Variants in PRRT3 observed in about 807,000 individuals in gnomAD.
PRRT3 encodes the protein proline rich transmembrane protein 3.
PRRT3 carries 48 observed loss-of-function variants against 56.6 expected under a neutral mutation model. The observed-to-expected ratio is 0.85, with a 90% CI of 0.67 to 1.08. The LOEUF is 1.08. Ranked by LOEUF, PRRT3 falls within the 50% of genes least tolerant of loss-of-function variation. The pLI is 0.00. For missense variants in PRRT3, 1,370 were observed against 1,353.1 expected, an observed-to-expected ratio of 1.01 and a Z score of -0.20; for synonymous variants, 641 against 619.1, an observed-to-expected ratio of 1.04 and a Z score of -0.52.
rs766674374 is a variant in PRRT3, at chr3:9,946,709, G to A, written c.2464C>T (p.Arg822Cys). 6 of 1,476,700 alleles carry A rather than the reference G, an allele frequency of 4.1e-6. No individual in the cohort carries two copies. The highest frequency in any genetic ancestry group is 2.8e-5 in the South Asian group (2 of 72,542). The allele number at this position is 1,476,700 out of a possible 1,614,324, so 91.5% of individuals were successfully genotyped here. The change falls in exon 4 of 4, where the codon CGC becomes TGC. Residue 822 changes from arginine (R) to cysteine (C), a missense_variant. Coordinates refer to ENST00000412055, the MANE Select transcript of PRRT3 (RefSeq NM_207351.5). This position sits in a 1 kb window ranked among gnomAD's most constrained non-coding sequence, Gnocchi z 4.1. ...ACACTGTCTCGCACTAGGTGCTCGCGGAAGAGCGCGGCGTCGATGCTGCGG... is the reference window on the plus strand; with the variant it reads ...ACACTGTCTCGCACTAGGTGCTCGCAGAAGAGCGCGGCGTCGATGCTGCGG... Reference protein sequence around the residue: ...LSRSIDAALFREHLVRDSVFQ... With the variant: ...LSRSIDAALFCEHLVRDSVFQ...
At position 9,949,647 on chromosome 3, in the gene PRRT3, TGG is replaced by T; in HGVS notation, c.467_468del (p.Pro156HisfsTer19). 6.2e-7 allele frequency: 1 copy of T among 1,614,010 alleles called. No homozygotes were observed. The highest frequency in any genetic ancestry group is 8.5e-7 in the Non-Finnish European group (1 of 1,180,002). The part of the protein sequence containing the change: ...PVGHPHLTFI[P>X]TTPRRQLRVA... ...ACCCTGAGTTGACGTCTGGGAGTTG[TGG>T]GGATGAAAGTGAGATGAGGGTGGCC... On this transcript the variant is annotated frameshift_variant, in exon 2 of 4. Coordinates refer to ENST00000412055, the MANE Select transcript of PRRT3 (RefSeq NM_207351.5). LOFTEE classifies it high-confidence loss of function. The surrounding 1 kb of genome is among the most constrained non-coding windows in gnomAD (Gnocchi z 4.5).
At position 9,946,728 on chromosome 3, in the gene PRRT3, G is replaced by A. The variant is rs1400787743; in HGVS notation, c.2445C>T (p.Ser815=). 1 of 1,500,986 alleles carries A rather than the reference G, an allele frequency of 6.7e-7. No individual in the cohort carries two copies. Among genetic ancestry groups the A allele is most frequent in the Non-Finnish European group, 8.8e-7 (1 of 1,134,610 alleles). The allele number at this position is 1,500,986 out of a possible 1,614,324, so 93.0% of individuals were successfully genotyped here. A position where few individuals can be genotyped will look rare whatever the true frequency, so the allele number is the denominator to read the frequency against. ...RPPSPINLSR[S]IDAALFREHL... ...GCTCGCGGAAGAGCGCGGCGTCGAT[G>A]CTGCGGCTCAGGTTGATGGGCGATG... is the stretch of plus-strand genomic sequence containing the variant. The change falls in exon 4 of 4, where the codon AGC becomes AGT. Residue 815 remains serine (S), a synonymous_variant. Coordinates refer to ENST00000412055, the MANE Select transcript of PRRT3 (RefSeq NM_207351.5). This position sits in a 1 kb window ranked among gnomAD's most constrained non-coding sequence, Gnocchi z 4.1.
rs1398454039 is a variant in PRRT3, at chr3:9,946,792, C to T, written c.2381G>A (p.Gly794Glu). Residue 794 changes from glycine to glutamate, a missense_variant, in exon 4 of 4, where the codon GGA becomes GAA. Gly to Glu is a moderately conservative substitution (Grantham distance 98). Transcript: ENST00000412055. This position sits in a 1 kb window ranked among gnomAD's most constrained non-coding sequence, Gnocchi z 4.1. ...GGPGLSRNGV[G>E]PAPSLSELDL... Reference sequence around the variant, plus strand: ...CAGCTCGCTCAGCGATGGCGCCGGTCCCACACCGTTGCGGGACAGTCCCGG... The same window carrying T: ...CAGCTCGCTCAGCGATGGCGCCGGTTCCACACCGTTGCGGGACAGTCCCGG... The T allele has an allele frequency of 1.4e-5, 21 of 1,554,148 alleles. No homozygotes were observed. Among genetic ancestry groups the T allele is most frequent in the Non-Finnish European group, 1.7e-5 (20 of 1,158,022 alleles).
Position 9,947,760 on chromosome 3 carries a change from C to T in PRRT3, c.1413G>A (p.Trp471Ter). The T allele has an allele frequency of 6.6e-7, 1 of 1,506,524 alleles. No individual in the cohort carries two copies. Among genetic ancestry groups the T allele is most frequent in the Non-Finnish European group, 8.8e-7 (1 of 1,131,780 alleles). 93.3% of individuals were successfully genotyped at this position (1,506,524 alleles called of 1,614,324 possible). Reference protein sequence around the residue: ...GPLRRVLSFSWELHVYGVGVL... With the variant: ...GPLRRVLSFS ...CCCCCACCCCGTAGACGTGCAGCTC[C>T]CAGGAGAAGCTCAGGACCCGCCGAA... Residue 471 changes from tryptophan to a stop codon, truncating the protein, a stop_gained, in exon 4 of 4, where the codon TGG (tryptophan) becomes TGA (stop). Coordinates refer to ENST00000412055, the MANE Select transcript of PRRT3 (RefSeq NM_207351.5). LOFTEE classifies it high-confidence loss of function. This position sits in a 1 kb window ranked among gnomAD's most constrained non-coding sequence, Gnocchi z 9.2.
At chr3:9,951,245 C>T (rs541430990) in intron 1 of PRRT3, among the ~76,000 whole-genome samples, 1 of 152,154 alleles carries the variant, frequency 6.6e-6, no homozygotes, top group Non-Finnish European at 1.5e-5. Context: ...GGAAGGGGCC[C>T]CACCACCAGG....
chr3:9,950,659 C>A (rs147360654), intron 1 of PRRT3, among the ~76,000 whole-genome samples: 1,986 of 151,496 alleles, frequency 0.013, 31 homozygotes, highest in Middle Eastern at 0.051. Flanking sequence ...TGTGCCACCA[C>A]ACCTGGCTAA....
rs768840303 is a variant in PRRT3 at position 9,947,394 on chromosome 3, T to C, written c.1779A>G (p.Thr593=). ...VGLLATDLLS[T]WSVLNLLTQG... ...GCGTCAGGAGGTTGAGCACAGACCA[T>C]GTGGACAGCAGGTCTGTCGCGAGCA... The change falls in exon 4 of 4, where the codon ACA becomes ACG. Residue 593 remains threonine (T), a synonymous_variant. Transcript: ENST00000412055. This position sits in a 1 kb window ranked among gnomAD's most constrained non-coding sequence, Gnocchi z 9.2. The C allele has an allele frequency of 6.2e-7, 1 of 1,612,238 alleles. No homozygotes were observed. Among genetic ancestry groups the C allele is most frequent in the Non-Finnish European group, 8.5e-7 (1 of 1,179,562 alleles).
chr3:9,951,044 G>GTTACCTGTGTA (rs2085613261), intron 1 of PRRT3, among the ~76,000 whole-genome samples: 1 of 152,196 alleles, frequency 6.6e-6, no homozygotes, highest in Admixed American at 6.5e-5. Context: ...CCTGATGCTT[G>GTTACCTGTGTA]ACAAGCGTTA....
At chr3:9,948,672 A>C (rs969690974) in intron 3 of PRRT3, 86 bp downstream of exon 3, 1 of 1,498,088 alleles carries the variant, frequency 6.7e-7, no homozygotes, top group Non-Finnish European at 9.2e-7. Flanking sequence ...TTCATTCCCC[A>C]CCCTCCGCCC....
In PRRT3 at chr3:9,946,387, A is replaced by C. The variant is rs2124874572; in HGVS notation, c.2786T>G (p.Leu929Arg). The change falls in exon 4 of 4, where the codon CTG becomes CGG. Residue 929 changes from leucine to arginine, a missense_variant. By Grantham distance (102) the Leu-to-Arg change is moderately radical. Transcript: ENST00000412055. This position sits in a 1 kb window ranked among gnomAD's most constrained non-coding sequence, Gnocchi z 4.1. ...CGTGCTGGGCAACTCATCTAGGGGC[A>C]GACTGTCCACTGATGACAGCCCGTG... ...WRHGLSSVDS[L>R]PLDELPSTVQ... 2 of 1,608,446 alleles carry C rather than the reference A, an allele frequency of 1.2e-6. No homozygotes were observed. The highest frequency in any genetic ancestry group is 1.7e-6 in the Non-Finnish European group (2 of 1,176,808).
At position 9,948,759 on chromosome 3, in the gene PRRT3, T is replaced by A; in HGVS notation, c.1170A>T (p.Pro390=). Residue 390 remains proline, a splice_region_variant and synonymous_variant, in exon 3 of 4, where the codon CCA becomes CCT. Transcript: ENST00000412055. The part of the protein sequence containing the change: ...RTESPMGALQ[P]DEAEEWPGRP... The stretch of plus-strand genomic sequence containing the variant: ...CCCACACCCCAGCCATGCTCTCACC[T>A]GGCTGCAGGGCCCCCATGGGGCTCT... 6.2e-7 allele frequency: 1 copy of A among 1,613,952 alleles called. No homozygotes were observed. Among genetic ancestry groups the A allele is most frequent in the Non-Finnish European group, 8.5e-7 (1 of 1,179,986 alleles).
Position 9,947,719 on chromosome 3 carries a change from G to A in PRRT3, c.1454C>T (p.Pro485Leu). ...VYGVGVLFLL[P>L]ALLALAALAA... ...CAGCGCAGCCAGCGCCAACAACGCG[G>A]GCAGCAGAAAGAGTACCCCCACCCC... The change falls in exon 4 of 4, where the codon CCC becomes CTC. Residue 485 changes from proline (P) to leucine (L), a missense_variant. Physicochemically the swap from Pro to Leu is moderately conservative, Grantham distance 98. Transcript: ENST00000412055. This position sits in a 1 kb window ranked among gnomAD's most constrained non-coding sequence, Gnocchi z 9.2. 1 of 1,564,732 alleles carries A rather than the reference G, an allele frequency of 6.4e-7. No homozygotes were observed.
Position 9,947,883 on chromosome 3 carries a change from C to G in PRRT3, c.1290G>C (p.Gln430His). The G allele has an allele frequency of 1.4e-6, 2 of 1,428,916 alleles. No homozygotes were observed. The highest frequency in any genetic ancestry group is 1.8e-6 in the Non-Finnish European group (2 of 1,092,366). 88.5% of individuals were successfully genotyped at this position (1,428,916 alleles called of 1,614,324 possible). Reference protein sequence around the residue: ...IRVTTQRALGQPPPPEPTASS... With the variant: ...IRVTTQRALGHPPPPEPTASS... ...TGGCGGTGGGCTCCGGAGGGGGAGG[C>G]TGGCCCAGGGCTCGCTGCGTGGTGA... Residue 430 changes from glutamine (Q) to histidine (H), a missense_variant, in exon 4 of 4, where the codon CAG becomes CAC. Gln to His is a conservative substitution (Grantham distance 24). Coordinates refer to ENST00000412055, the MANE Select transcript of PRRT3 (RefSeq NM_207351.5). This position sits in a 1 kb window ranked among gnomAD's most constrained non-coding sequence, Gnocchi z 9.2.
In PRRT3 at chr3:9,946,014, A is replaced by G. The variant is rs189816044; in HGVS notation, c.*213T>C. On this transcript the variant is annotated 3_prime_UTR_variant, in exon 4 of 4. Transcript: ENST00000412055. This position sits in a 1 kb window ranked among gnomAD's most constrained non-coding sequence, Gnocchi z 4.1. ...TGGCTAATTTTTTTGTATTTTTAGTAGAGACGAGGGTTTCGCTATGTTCGA... is the reference window on the plus strand; with the variant it reads ...TGGCTAATTTTTTTGTATTTTTAGTGGAGACGAGGGTTTCGCTATGTTCGA... 1.7e-5 allele frequency: 11 copies of G among 655,962 alleles called. No individual in the cohort carries two copies. The East Asian group carries it at 3.8e-4, about 23-fold the overall frequency. 40.6% of individuals were successfully genotyped at this position (655,962 alleles called of 1,614,324 possible). A position where few individuals can be genotyped will look rare whatever the true frequency, so the allele number is the denominator to read the frequency against.
In PRRT3 at chr3:9,947,372, T is replaced by C. The variant is rs2085544130; in HGVS notation, c.1801A>G (p.Thr601Ala). The change falls in exon 4 of 4, where the codon ACG becomes GCG. Residue 601 changes from threonine (T) to alanine (A), a missense_variant. Transcript: ENST00000412055. The surrounding 1 kb of genome is among the most constrained non-coding windows in gnomAD (Gnocchi z 9.2). ...LSTWSVLNLL[T>A]QGLSCAWGAA... ...CCCCAGGCGCACGACAAGCCCTGCG[T>C]CAGGAGGTTGAGCACAGACCATGTG... is the stretch of plus-strand genomic sequence containing the variant. The C allele has an allele frequency of 6.2e-7, 1 of 1,611,832 alleles. No individual in the cohort carries two copies. The highest frequency in any genetic ancestry group is 8.5e-7 in the Non-Finnish European group (1 of 1,179,434).
chr3:9,948,551 C>T, intron 3 of PRRT3: 1 of 613,374 alleles, frequency 1.6e-6, no homozygotes, highest in Non-Finnish European at 2.9e-6. Context: ...AACATTCTAG[C>T]CCCAAAAGGG....
At position 9,946,243 on chromosome 3, in the gene PRRT3, T is replaced by A; in HGVS notation, c.2930A>T (p.Asp977Val). The A allele has an allele frequency of 6.2e-7, 1 of 1,612,508 alleles. No individual in the cohort carries two copies. Among genetic ancestry groups the A allele is most frequent in the Non-Finnish European group, 8.5e-7 (1 of 1,179,756 alleles). Residue 977 changes from aspartate (D) to valine (V), a missense_variant, in exon 4 of 4, where the codon GAT becomes GTT. Physicochemically the swap from Asp to Val is radical, Grantham distance 152 (BLOSUM62 -3). Transcript: ENST00000412055. This position sits in a 1 kb window ranked among gnomAD's most constrained non-coding sequence, Gnocchi z 4.1. ...GACCGCTCTTCAAAGCTCGATGGTA[T>A]CACTGGAGGCGCTGCGGGATTCCCC... The part of the protein sequence containing the change: ...KPGESRSASS[D>V]TIEL
In PRRT3 at chr3:9,946,030, C is replaced by T. The variant is rs756816204; in HGVS notation, c.*197G>A. The T allele has an allele frequency of 2.5e-4, 193 of 778,718 alleles. No homozygotes were observed. The highest frequency in any genetic ancestry group is 3.9e-4 in the Middle Eastern group (1 of 2,562). The allele number at this position is 778,718 out of a possible 1,614,324, so 48.2% of individuals were successfully genotyped here. On this transcript the variant is annotated 3_prime_UTR_variant, in exon 4 of 4. Transcript: ENST00000412055. This position sits in a 1 kb window ranked among gnomAD's most constrained non-coding sequence, Gnocchi z 4.1. Reference sequence around the variant, plus strand: ...ATTTTTAGTAGAGACGAGGGTTTCGCTATGTTCGAGACCAGGAGGCTGATC... The same window carrying T: ...ATTTTTAGTAGAGACGAGGGTTTCGTTATGTTCGAGACCAGGAGGCTGATC...
chr3:9,951,934 A>G (rs1242800510), intron 1 of PRRT3, among the ~76,000 whole-genome samples: 6 of 152,218 alleles, frequency 3.9e-5, no homozygotes, highest in Non-Finnish European at 8.8e-5. Context: ...CTCCAAAGAT[A>G]AACATGCCAT....
Sources: gnomAD v4.1 joint callset for allele counts (sites outside exome capture counted in the v4.1 genomes callset) on GRCh38, gnomAD v4.1.1 for gene constraint, Gnocchi (gnomAD v3.1) non-coding constraint, MANE v1.5 for transcripts, NCBI Gene and HGNC (gene_info 2026-07-23, HGNC 2026-07-21) for gene names.